TGIF1: variants seen among roughly 807,000 people sequenced by gnomAD.
TGIF1 encodes the protein TGFB induced factor homeobox 1.
TGIF1 carries 4 observed loss-of-function variants against 19.3 expected under a neutral mutation model. The observed-to-expected ratio is 0.21, with a 90% confidence interval of 0.10 to 0.47. TGIF1 has a LOEUF of 0.47. Among genes scored for constraint, TGIF1 ranks in the 20% least tolerant of loss-of-function variants. The probability of loss-of-function intolerance (pLI) is 0.98; values close to 1 mark genes in which losing one functional copy is unlikely to be tolerated. For synonymous variants in TGIF1, 122 were observed against 129.3 expected (o/e 0.94, Z 0.38); for missense variants, 275 against 341.4 (o/e 0.81, Z 1.53).
Position 3,451,483 on chromosome 18 carries a change from T to A in TGIF1, c.16+978T>A. On this transcript the variant is annotated intron_variant, in intron 1 of 2. Coordinates refer to ENST00000343820, the MANE Select transcript of TGIF1 (RefSeq NM_003244.4). The surrounding 1 kb of genome is among the most constrained non-coding windows in gnomAD (Gnocchi z 5.4). The stretch of plus-strand genomic sequence containing the variant: ...CGCTGTGGGCTGGAGGTGGCGTTTC[T>A]GTCGTGATTTATGTGGAGTGGTTCA... The A allele has an allele frequency of 1.0e-6, 1 of 988,346 alleles. No homozygotes were observed. Among genetic ancestry groups the A allele is most frequent in the Non-Finnish European group, 1.2e-6 (1 of 832,060 alleles). The allele number at this position is 988,346 out of a possible 1,614,324, so 61.2% of individuals were successfully genotyped here. A position where few individuals can be genotyped will look rare whatever the true frequency, so the allele number is the denominator to read the frequency against.
chr18:3,444,893 G>A (rs1013312208), intron 2 of TGIF1, among the ~76,000 whole-genome samples: 1 of 152,194 alleles, frequency 6.6e-6, no homozygotes, highest in African/African-American at 2.4e-5. Flanking sequence ...GATTGAGCTA[G>A]ATTTGTGGTT....
chr18:3,415,792 G>A (rs1318314302), intron 1 of TGIF1, among the ~76,000 whole-genome samples: 2 of 152,276 alleles, frequency 1.3e-5, no homozygotes, highest in South Asian at 4.1e-4. Flanking sequence ...GCATTGTGCT[G>A]CCATTTGGTC....
Position 3,451,302 on chromosome 18 carries a change from C to A in TGIF1, c.16+797C>A. On this transcript the variant is annotated intron_variant, in intron 1 of 2. Transcript: ENST00000343820. The surrounding 1 kb of genome is among the most constrained non-coding windows in gnomAD (Gnocchi z 5.4). ...ACGAAGTGTTCTGGAAGCTTTACAA[C>A]TAAAACTTGCCGTCAGTTTGGTTTA... 1.1e-6 allele frequency: 1 copy of A among 948,484 alleles called. No homozygotes were observed. The highest frequency in any genetic ancestry group is 1.3e-6 in the Non-Finnish European group (1 of 796,524). 58.8% of individuals were successfully genotyped at this position (948,484 alleles called of 1,614,324 possible).
chr18:3,456,888 C>T lies in TGIF1; in HGVS notation c.243+308C>T, dbSNP rs986125354. ...AACTGGTTTGATATTTAAACAAGGA[C>T]GACTTCAGTGAGGTAATTCATGTTA... is the stretch of plus-strand genomic sequence containing the variant. On this transcript the variant is annotated intron_variant, in intron 2 of 2. Transcript: ENST00000343820. This position sits in a 1 kb window ranked among gnomAD's most constrained non-coding sequence, Gnocchi z 4.2. The T allele has an allele frequency of 2.0e-4, 123 of 601,162 alleles. 1 individual carries two copies. The highest frequency in any genetic ancestry group is 6.2e-5 in the South Asian group (3 of 48,404). The allele number at this position is 601,162 out of a possible 1,614,324, so 37.2% of individuals were successfully genotyped here. A position where few individuals can be genotyped will look rare whatever the true frequency, so the allele number is the denominator to read the frequency against.
chr18:3,428,196 T>C (rs1486752316), intron 2 of TGIF1, among the ~76,000 whole-genome samples: 4 of 152,152 alleles, frequency 2.6e-5, no homozygotes, highest in Non-Finnish European at 5.9e-5. Flanking sequence ...CAGTTTTACT[T>C]AAGAATTTCC....
intron 2 of TGIF1, among the ~76,000 whole-genome samples, chr18:3,437,300 A>G (rs1019010824): frequency 4.6e-5 from 7 of 152,154 alleles, no homozygotes; most frequent in Admixed American, 3.3e-4. Context: ...CAGATAATCA[A>G]TGAGGAATGA....
chr18:3,448,704 G>C (rs1568043901), upstream of TGIF1: 2 of 768,706 alleles, frequency 2.6e-6, no homozygotes, highest in Non-Finnish European at 3.1e-6. Context: ...ACGCATTCTA[G>C]GGGCGGGGGT....
chr18:3,423,891 G>T (rs561041340), intron 2 of TGIF1, among the ~76,000 whole-genome samples: 1 of 151,958 alleles, frequency 6.6e-6, no homozygotes, highest in Non-Finnish European at 1.5e-5. Flanking sequence ...ACCTGCCCTC[G>T]TTTCTTCCTC....
intron 2 of TGIF1, among the ~76,000 whole-genome samples, chr18:3,425,725 C>T (rs1266242392): frequency 6.6e-6 from 1 of 152,140 alleles, no homozygotes; most frequent in African/African-American, 2.4e-5. Context: ...CTTGAAAAAC[C>T]CCTAACCTCC....
intron 2 of TGIF1, among the ~76,000 whole-genome samples, chr18:3,419,893 C>T (rs12966488): frequency 0.2 from 30,981 of 152,014 alleles, 3,769 homozygotes; most frequent in Admixed American, 0.26. Context: ...GTAATCCCAG[C>T]TACTCAGGAG....
chr18:3,452,326 C>G lies in TGIF1; in HGVS notation c.16+1821C>G, dbSNP rs1568049194. ...CATCGGTGGGAACTTCCGCGGTCCC[C>G]ATCCCAGGGCGCACAGGGTCCAGCT... On this transcript the variant is annotated intron_variant, in intron 1 of 2. Coordinates refer to ENST00000343820, the MANE Select transcript of TGIF1 (RefSeq NM_003244.4). The G allele has an allele frequency of 1.9e-6, 3 of 1,613,244 alleles. No homozygotes were observed. In the East Asian group the frequency reaches 6.7e-5, roughly 36 times the overall value.
At position 3,451,061 on chromosome 18, in the gene TGIF1, C is replaced by T. The variant is rs1002789617; in HGVS notation, c.16+556C>T. On this transcript the variant is annotated intron_variant, in intron 1 of 2. Coordinates refer to ENST00000343820, the MANE Select transcript of TGIF1 (RefSeq NM_003244.4). The surrounding 1 kb of genome is among the most constrained non-coding windows in gnomAD (Gnocchi z 5.4). ...TTTTTACGATCGAAGGAATGCGATT[C>T]TGGACCCCCTCATCGCCCTCGGGTG... Among the ~76,000 whole-genome samples, 1 of 147,374 alleles carries T rather than the reference C, an allele frequency of 6.8e-6. No homozygotes were observed. The highest frequency in any genetic ancestry group is 1.5e-5 in the Non-Finnish European group (1 of 67,554).
chr18:3,449,731 G>A, upstream of TGIF1: 6 of 985,498 alleles, frequency 6.1e-6, no homozygotes, highest in Non-Finnish European at 7.2e-6. Flanking sequence ...CGTGCGGCTA[G>A]AGCAGGGCCA....
At chr18:3,439,022 A>G (rs1361137752) in intron 2 of TGIF1, among the ~76,000 whole-genome samples, 2 of 152,218 alleles carry the variant, frequency 1.3e-5, no homozygotes, top group Non-Finnish European at 2.9e-5. Context: ...TAAACAAATC[A>G]TTTAGACCGA....
intron 2 of TGIF1, among the ~76,000 whole-genome samples, chr18:3,420,200 A>T (rs1418106093): frequency 6.6e-6 from 1 of 151,852 alleles, no homozygotes; most frequent in African/African-American, 2.4e-5. Flanking sequence ...GGCCAACATG[A>T]TGAAACCCTA....
At position 3,456,338 on chromosome 18, in the gene TGIF1, C is replaced by T. The variant is rs368247103; in HGVS notation, c.17-16C>T. 2 of 1,612,176 alleles carry T rather than the reference C, an allele frequency of 1.2e-6. No homozygotes were observed. The highest frequency in any genetic ancestry group is 2.7e-5 in the African/African-American group (2 of 74,882). On this transcript the variant is annotated splice_polypyrimidine_tract_variant and intron_variant, in intron 1 of 2. Transcript: ENST00000343820. The surrounding 1 kb of genome is among the most constrained non-coding windows in gnomAD (Gnocchi z 4.2). ...GCTTATAAAGCAACTGACAACTGGC[C>T]CTTGTCCTTTCCTAGGTATTGTTGC...
rs557957358 is a variant in TGIF1 at position 3,427,933 on chromosome 18, G to A, written c.-45+9718G>A. 7.2e-5 allele frequency among the ~76,000 whole-genome samples: 11 copies of A among 152,310 alleles called. No individual in the cohort carries two copies. The South Asian group carries it at 2.1e-3, about 29-fold the overall frequency. On this transcript the variant is annotated intron_variant, in intron 2 of 3. Coordinates refer to the TGIF1 transcript ENST00000401449. ...TATTCTTAACTGAATAAAGGAAAAT[G>A]CCAAAAACAATCTATGGCTGCCGTT...
Position 3,451,662 on chromosome 18 carries a change from C to T in TGIF1, c.16+1157C>T, listed in dbSNP as rs998619660. On this transcript the variant is annotated intron_variant, in intron 1 of 2. Coordinates refer to ENST00000343820, the MANE Select transcript of TGIF1 (RefSeq NM_003244.4). The surrounding 1 kb of genome is among the most constrained non-coding windows in gnomAD (Gnocchi z 5.4). Reference sequence around the variant, plus strand: ...AGCCTCAAGGCCAGCGGGGTTCCTTCGGCTGCGTTTCTGTGGGAGGCCCTG... The same window carrying T: ...AGCCTCAAGGCCAGCGGGGTTCCTTTGGCTGCGTTTCTGTGGGAGGCCCTG... 6.1e-6 allele frequency: 7 copies of T among 1,154,510 alleles called. No individual in the cohort carries two copies. The highest frequency in any genetic ancestry group is 7.5e-6 in the Non-Finnish European group (7 of 939,030). The allele number at this position is 1,154,510 out of a possible 1,614,324, so 71.5% of individuals were successfully genotyped here. A position where few individuals can be genotyped will look rare whatever the true frequency, so the allele number is the denominator to read the frequency against.
In TGIF1 at chr18:3,435,063, A is replaced by G. The variant is rs537970335; in HGVS notation, c.-45+16848A>G. ...GCTTTAAGTGTCTGTAGTAATTTGT[A>G]TGTAAGTGTCAAATACCAAGGCACA... On this transcript the variant is annotated intron_variant, in intron 2 of 3. Coordinates refer to the TGIF1 transcript ENST00000401449. 6.6e-5 allele frequency among the ~76,000 whole-genome samples: 10 copies of G among 152,294 alleles called. No homozygotes were observed. The East Asian group carries it at 1.2e-3, about 18-fold the overall frequency.
Sources: gnomAD v4.1 joint callset for allele counts (sites outside exome capture counted in the v4.1 genomes callset) on GRCh38, gnomAD v4.1.1 for gene constraint, Gnocchi (gnomAD v3.1) non-coding constraint, MANE v1.5 for transcripts, NCBI Gene and HGNC (gene_info 2026-07-23, HGNC 2026-07-21) for gene names.